Variants in ABCG4 observed in about 807,000 individuals in gnomAD.
ABCG4 encodes ATP binding cassette subfamily G member 4, also known as ATP-binding cassette sub-family G member 4.
In ABCG4, 35 loss-of-function variants were observed where a neutral mutation model predicts 64.6. The observed-to-expected ratio is 0.54, with a 90% CI of 0.41 to 0.72. The LOEUF (loss-of-function observed/expected upper bound fraction) is 0.72, where lower values mean the gene tolerates loss of function less well. Among genes scored for constraint, ABCG4 ranks in the 30% least tolerant of loss-of-function variants. ABCG4 has a pLI of 0.00. For missense variants in ABCG4, 610 were observed against 846.3 expected, an observed-to-expected ratio of 0.72 and a Z score of 3.46; for synonymous variants, 326 against 348.2, an observed-to-expected ratio of 0.94 and a Z score of 0.71.
In ABCG4 at chr11:119,154,560, G is replaced by A. The variant is rs200058802; in HGVS notation, c.525G>A (p.Glu175=). 2.1e-4 allele frequency: 339 copies of A among 1,613,546 alleles called. 3 individuals are homozygous for A. The Middle Eastern group carries it at 0.01, about 49-fold the overall frequency. Residue 175 remains glutamate (E), a synonymous_variant, in exon 5 of 15, where the codon GAG becomes GAA. Coordinates refer to ENST00000619701, the MANE Select transcript of ABCG4 (RefSeq NM_022169.5). This position sits in a 1 kb window ranked among gnomAD's most constrained non-coding sequence, Gnocchi z 7.0. The stretch of plus-strand genomic sequence containing the variant: ...ACCTGAAGCTGAGTGAGAAGCAGGA[G>A]GTGAAGAAGGAGCTGGTGAGTGGGG... ...SANLKLSEKQ[E]VKKELVTEIL...
At position 119,158,665 on chromosome 11, in the gene ABCG4, T is replaced by C; in HGVS notation, c.1276T>C (p.Cys426Arg). 6.2e-7 allele frequency: 1 copy of C among 1,614,174 alleles called. No homozygotes were observed. Among genetic ancestry groups the C allele is most frequent in the Non-Finnish European group, 8.5e-7 (1 of 1,180,038 alleles). ...DASKVFNNTG[C>R]LFFSMLFLMF... ...CAGCAAGGTCTTCAACAACACCGGC[T>C]GCCTCTTCTTCTCCATGCTGTTCCT... The change falls in exon 11 of 15, where the codon TGC (cysteine) becomes CGC (arginine). Residue 426 changes from cysteine (C) to arginine (R), a missense_variant. Physicochemically the swap from Cys to Arg is radical, Grantham distance 180. Coordinates refer to ENST00000619701, the MANE Select transcript of ABCG4 (RefSeq NM_022169.5). The surrounding 1 kb of genome is among the most constrained non-coding windows in gnomAD (Gnocchi z 4.5).
chr11:119,149,806 G>A lies in ABCG4; in HGVS notation c.-12-148G>A. The A allele has an allele frequency of 7.9e-7, 1 of 1,265,960 alleles. No homozygotes were observed. Among genetic ancestry groups the A allele is most frequent in the Non-Finnish European group, 1.1e-6 (1 of 942,250 alleles). 78.4% of individuals were successfully genotyped at this position (1,265,960 alleles called of 1,614,324 possible). On this transcript the variant is annotated intron_variant, in intron 1 of 14. Transcript: ENST00000619701. The surrounding 1 kb of genome is among the most constrained non-coding windows in gnomAD (Gnocchi z 8.3). ...CTGAGCGTCTCCGTGCGGAGAGTGG[G>A]GGGCGGGGGCAGAGTGCGGGGCTAA...
chr11:119,157,495 C>G (rs1038987055), intron 9 of ABCG4, among the ~76,000 whole-genome samples: 1 of 152,230 alleles, frequency 6.6e-6, no homozygotes, highest in Non-Finnish European at 1.5e-5. Flanking sequence ...ACTGTAACCC[C>G]TGAAAACCAG....
In ABCG4 at chr11:119,158,122, G is replaced by A. The variant is rs1948290779; in HGVS notation, c.1069-112G>A. On this transcript the variant is annotated intron_variant, in intron 9 of 14. Coordinates refer to ENST00000619701, the MANE Select transcript of ABCG4 (RefSeq NM_022169.5). The surrounding 1 kb of genome is among the most constrained non-coding windows in gnomAD (Gnocchi z 4.5). ...ATGGTACAAGATTCTCTGTAGACCT[G>A]GAGGACCCCTACCCTGGGGAAGAGC... 1.2e-6 allele frequency: 1 copy of A among 814,806 alleles called. No homozygotes were observed. The highest frequency in any genetic ancestry group is 2.0e-6 in the Non-Finnish European group (1 of 508,068). The allele number at this position is 814,806 out of a possible 1,614,324, so 50.5% of individuals were successfully genotyped here.
In ABCG4 at chr11:119,156,251, A is replaced by AG. The variant is rs1948261856; in HGVS notation, c.687-77dup. 1 of 1,595,526 alleles carries AG rather than the reference A, an allele frequency of 6.3e-7. No homozygotes were observed. The highest frequency in any genetic ancestry group is 8.6e-7 in the Non-Finnish European group (1 of 1,167,210). ...CTGCCAGCTTCATCCCCTTCACAGC[A>AG]GCTGCCCCGCCCCAGACACTCCCTT... On this transcript the variant is annotated intron_variant, in intron 6 of 14. Transcript: ENST00000619701. The surrounding 1 kb of genome is among the most constrained non-coding windows in gnomAD (Gnocchi z 5.5).
In ABCG4 at chr11:119,150,212, C is replaced by T. The variant is rs757502072; in HGVS notation, c.238+9C>T. The T allele has an allele frequency of 6.2e-7, 1 of 1,611,802 alleles. No individual in the cohort carries two copies. Among genetic ancestry groups the T allele is most frequent in the East Asian group, 2.2e-5 (1 of 44,810 alleles). ...CTGCTGGCGCAAAAGGGGTAGGGAA[C>T]AGCCTGGTAGGGGGAGTCCGTGGGC... On this transcript the variant is annotated intron_variant, in intron 2 of 14. Transcript: ENST00000619701. The surrounding 1 kb of genome is among the most constrained non-coding windows in gnomAD (Gnocchi z 4.3).
chr11:119,162,542 C>T lies in ABCG4; in HGVS notation c.*1436C>T, dbSNP rs547858718. ...TCATTTTCCCCCTTTTTCCTGTACA[C>T]ATCCCTGTCTACCTCCTCTCACCCT... is the stretch of plus-strand genomic sequence containing the variant. On this transcript the variant is annotated 3_prime_UTR_variant, in exon 15 of 15. Transcript: ENST00000619701. 1 of 152,428 alleles carries T rather than the reference C, an allele frequency of 6.6e-6. No homozygotes were observed. Among genetic ancestry groups the T allele is most frequent in the South Asian group, 2.1e-4 (1 of 4,826 alleles). The allele number at this position is 152,428 out of a possible 1,614,324, so 9.4% of individuals were successfully genotyped here. A position where few individuals can be genotyped will look rare whatever the true frequency, so the allele number is the denominator to read the frequency against.
In ABCG4 at chr11:119,160,908, G is replaced by A. The variant is rs759266772; in HGVS notation, c.1743G>A (p.Thr581=). ...VRYGFEGVIL[T]IYGMERGDLT... ...ATGGCTTTGAGGGTGTGATCCTGAC[G>A]ATCTATGGCATGGAGCGAGGAGACC... The change falls in exon 15 of 15, where the codon ACG becomes ACA. Residue 581 remains threonine (T), a synonymous_variant. Coordinates refer to ENST00000619701, the MANE Select transcript of ABCG4 (RefSeq NM_022169.5). The surrounding 1 kb of genome is among the most constrained non-coding windows in gnomAD (Gnocchi z 4.6). 2.6e-5 allele frequency: 42 copies of A among 1,613,920 alleles called. No individual in the cohort carries two copies. In the South Asian group the frequency reaches 3.1e-4, roughly 12 times the overall value.
Position 119,160,176 on chromosome 11 carries a change from T to C in ABCG4, c.1438-51T>C. 6.4e-7 allele frequency: 1 copy of C among 1,572,248 alleles called. No individual in the cohort carries two copies. The highest frequency in any genetic ancestry group is 2.3e-5 in the East Asian group (1 of 43,974). On this transcript the variant is annotated intron_variant, in intron 12 of 14. Coordinates refer to ENST00000619701, the MANE Select transcript of ABCG4 (RefSeq NM_022169.5). The surrounding 1 kb of genome is among the most constrained non-coding windows in gnomAD (Gnocchi z 4.6). The stretch of plus-strand genomic sequence containing the variant: ...CCTTGGGTGGAGTGGAGGTCTTGGC[T>C]GCTGTGCCCCTGGCTTGAAGTCCAC...
chr11:119,153,919 G>C (rs1948226786), intron 2 of ABCG4, 107 bp from the exon 3 acceptor site: 1 of 936,770 alleles, frequency 1.1e-6, no homozygotes, highest in African/African-American at 1.6e-5. Flanking sequence ...CAATCACACT[G>C]AGTAGGGGCT....
chr11:119,153,744 T>A, intron 2 of ABCG4: 1 of 405,768 alleles, frequency 2.5e-6, no homozygotes, highest in Non-Finnish European at 4.6e-6. Flanking sequence ...ACAGCTTTGA[T>A]CCCCTCTCCA....
chr11:119,154,805 G>T lies in ABCG4; in HGVS notation c.576G>T (p.Ser192=), dbSNP rs779514029. ...TEILTALGLM[S]CSHTRTALLS... ...TCCTGACGGCACTGGGCCTGATGTCGTGCTCCCACACGAGGACAGCCCTGC... is the reference window on the plus strand; with the variant it reads ...TCCTGACGGCACTGGGCCTGATGTCTTGCTCCCACACGAGGACAGCCCTGC... The change falls in exon 6 of 15, where the codon TCG becomes TCT. Residue 192 remains serine (S), a synonymous_variant. Coordinates refer to ENST00000619701, the MANE Select transcript of ABCG4 (RefSeq NM_022169.5). This position sits in a 1 kb window ranked among gnomAD's most constrained non-coding sequence, Gnocchi z 7.0. 2 of 1,613,418 alleles carry T rather than the reference G, an allele frequency of 1.2e-6. No homozygotes were observed. The highest frequency in any genetic ancestry group is 4.5e-5 in the East Asian group (2 of 44,876).
In ABCG4 at chr11:119,150,679, A is replaced by T. The variant is rs1031344732; in HGVS notation, c.238+476A>T. The stretch of plus-strand genomic sequence containing the variant: ...GTGGCGGTTTGGCAGGATAGATGTC[A>T]TCTCCATGTTACTAATAAGGAAACT... On this transcript the variant is annotated intron_variant, in intron 2 of 14. Transcript: ENST00000619701. This position sits in a 1 kb window ranked among gnomAD's most constrained non-coding sequence, Gnocchi z 4.3. Among the ~76,000 whole-genome samples the T allele has an allele frequency of 6.6e-6, 1 of 152,184 alleles. No individual in the cohort carries two copies. Among genetic ancestry groups the T allele is most frequent in the African/African-American group, 2.4e-5 (1 of 41,426 alleles).
At chr11:119,157,155 C>A in intron 9 of ABCG4, 141 bp downstream of exon 9, 1 of 1,169,362 alleles carries the variant, frequency 8.6e-7, no homozygotes, top group Non-Finnish European at 1.2e-6. Context: ...TTGGAATCGA[C>A]CTACTAGGAA....
intron 2 of ABCG4, chr11:119,153,806 T>C (rs1220178292): frequency 1.8e-6 from 1 of 558,976 alleles, no homozygotes; most frequent in East Asian, 2.9e-5. Flanking sequence ...AAGAGGATTG[T>C]TGCCTCTGGT....
chr11:119,157,570 T>G (rs1310174998), intron 9 of ABCG4, among the ~76,000 whole-genome samples: 1 of 152,226 alleles, frequency 6.6e-6, no homozygotes, highest in Admixed American at 6.5e-5. Flanking sequence ...ACTGTAAAAT[T>G]GGTGGCATAA....
At chr11:119,152,161 C>T (rs971667475) in intron 2 of ABCG4, among the ~76,000 whole-genome samples, 12 of 152,186 alleles carry the variant, frequency 7.9e-5, no homozygotes, top group African/African-American at 1.7e-4. Flanking sequence ...TGATTGATGG[C>T]GAGGAGGACT....
chr11:119,161,025 C>T lies in ABCG4; in HGVS notation c.1860C>T (p.Phe620=). ...AGGATGCCAAGCTCTACATGGACTT[C>T]CTGGTCTTGGGCATCTTCTTCCTAG... ...DVEDAKLYMD[F]LVLGIFFLAL... Residue 620 remains phenylalanine (F), a synonymous_variant, in exon 15 of 15, where the codon TTC becomes TTT. Coordinates refer to ENST00000619701, the MANE Select transcript of ABCG4 (RefSeq NM_022169.5). 6.2e-7 allele frequency: 1 copy of T among 1,614,098 alleles called. No homozygotes were observed. Among genetic ancestry groups the T allele is most frequent in the South Asian group, 1.1e-5 (1 of 91,090 alleles).
Position 119,154,458 on chromosome 11 carries a change from T to G in ABCG4, c.489+66T>G. 3.1e-6 allele frequency: 5 copies of G among 1,613,934 alleles called. No homozygotes were observed. Among genetic ancestry groups the G allele is most frequent in the Non-Finnish European group, 4.2e-6 (5 of 1,179,882 alleles). On this transcript the variant is annotated intron_variant, in intron 4 of 14. Transcript: ENST00000619701. The surrounding 1 kb of genome is among the most constrained non-coding windows in gnomAD (Gnocchi z 7.0). ...CTGTCTGCTGTCGCCACCTTCACCA[T>G]TGGCGGAGGGTTCAAGGCAGAGCTC...
Sources: allele counts gnomAD v4.1 joint callset (sites outside exome capture counted in the v4.1 genomes callset), GRCh38; gene constraint gnomAD v4.1.1; non-coding constraint Gnocchi (gnomAD v3.1); transcripts MANE v1.5; gene names NCBI Gene and HGNC (gene_info 2026-07-23, HGNC 2026-07-21).